Variants in REV3L observed in about 807,000 individuals in gnomAD.
REV3L encodes the protein REV3 like, DNA directed polymerase zeta catalytic subunit.
Under a neutral mutation model 299.4 loss-of-function variants are expected in REV3L, and 69 were observed. That is an observed-to-expected ratio of 0.23 (90% CI 0.19 to 0.28). The LOEUF (loss-of-function observed/expected upper bound fraction) is 0.28. Ranked by LOEUF, REV3L falls within the 10% of genes least tolerant of loss-of-function variation. The pLI is 1.00. For synonymous variants in REV3L, 1,238 were observed against 1,271.4 expected (o/e 0.97, Z 0.56); for missense variants, 3,128 against 3,693.8 (o/e 0.85, Z 3.97).
intron 1 of REV3L, 97 bp downstream of exon 1, chr6:111,482,653 G>T: frequency 1.4e-6 from 1 of 734,520 alleles, no homozygotes; most frequent in Non-Finnish European, 1.7e-6. Context: ...CACGGAGACG[G>T]CCGGCGCCGG....
intron 9 of REV3L, among the ~76,000 whole-genome samples, chr6:111,387,550 T>C (rs1781466507): frequency 6.6e-6 from 1 of 152,036 alleles, no homozygotes; most frequent in South Asian, 2.1e-4. Context: ...TATAAGAAAA[T>C]ATAAAATTAT....
chr6:111,313,401 G>A lies in REV3L; in HGVS notation c.8555C>T (p.Ala2852Val), dbSNP rs760489627. 1.9e-6 allele frequency: 3 copies of A among 1,612,942 alleles called. No homozygotes were observed. Among genetic ancestry groups the A allele is most frequent in the Non-Finnish European group, 1.7e-6 (2 of 1,179,662 alleles). The change falls in exon 28 of 32, where the codon GCA (alanine) becomes GTA (valine). Residue 2852 changes from alanine to valine, a missense_variant. Transcript: ENST00000368802. ...TLDQKDPVFD[A>V]KGIETVRRDS... ...TCTTCTGACTGTTTCTATTCCTTTT[G>A]CATCAAATACTGGGTCCTTCTGATC...
rs140122000 is a variant in REV3L, at chr6:111,309,930, G to C, written c.8965C>G (p.Gln2989Glu). Residue 2989 changes from glutamine to glutamate, a missense_variant, in exon 30 of 32, where the codon CAA becomes GAA. Coordinates refer to ENST00000368802, the MANE Select transcript of REV3L (RefSeq NM_001372078.1). ...ATTCTTGCCAAGGGTGGAAGGATTT[G>C]CTTGGTAATATAGTAAGTAGCATTC... Reference protein sequence around the residue: ...RLNATYYITKQILPPLARIFS... With the variant: ...RLNATYYITKEILPPLARIFS... 7 of 1,614,082 alleles carry C rather than the reference G, an allele frequency of 4.3e-6. No individual in the cohort carries two copies. Among genetic ancestry groups the C allele is most frequent in the Non-Finnish European group, 5.9e-6 (7 of 1,179,988 alleles).
intron 25 of REV3L, 70 bp downstream of exon 25, chr6:111,329,462 C>G: frequency 7.1e-7 from 1 of 1,414,166 alleles, no homozygotes; most frequent in Admixed American, 1.7e-5. Flanking sequence ...ACTGGGAATA[C>G]AGGTGAGTGC....
chr6:111,389,617 A>C (rs566446422), intron 6 of REV3L, among the ~76,000 whole-genome samples: 1 of 151,960 alleles, frequency 6.6e-6, no homozygotes, highest in Non-Finnish European at 1.5e-5. Context: ...TTAATACCTC[A>C]TCAGAAGTAT....
intron 31 of REV3L, among the ~76,000 whole-genome samples, chr6:111,306,604 T>G (rs1772330850): frequency 1.3e-5 from 2 of 152,226 alleles, no homozygotes; most frequent in South Asian, 4.1e-4. Flanking sequence ...GCTCGGCCAC[T>G]TAGCAGTGTA....
intron 13 of REV3L, among the ~76,000 whole-genome samples, chr6:111,369,293 A>C (rs527940126): frequency 6.6e-6 from 1 of 151,588 alleles, no homozygotes; most frequent in Non-Finnish European, 1.5e-5. Flanking sequence ...AAAAAAAAAA[A>C]AAAAAAAAAA....
intron 26 of REV3L, among the ~76,000 whole-genome samples, chr6:111,318,854 G>A (rs537357359): frequency 1.8e-4 from 28 of 152,180 alleles, no homozygotes; most frequent in Middle Eastern, 3.4e-3. Flanking sequence ...ACCGCGCCCG[G>A]CCGTATGCAA....
intron 4 of REV3L, among the ~76,000 whole-genome samples, chr6:111,401,334 C>T (rs2128269081): frequency 6.6e-6 from 1 of 152,290 alleles, no homozygotes; most frequent in East Asian, 1.9e-4. Context: ...TTCCCTCTTC[C>T]TTCCTTTCCT....
intron 1 of REV3L, among the ~76,000 whole-genome samples, chr6:111,444,624 C>T (rs1562321714): frequency 1.3e-5 from 2 of 152,140 alleles, no homozygotes; most frequent in Non-Finnish European, 2.9e-5. Context: ...GATAATATAT[C>T]AAATGATAAT....
intron 2 of REV3L, among the ~76,000 whole-genome samples, chr6:111,412,923 G>A (rs999647939): frequency 9.2e-5 from 14 of 152,098 alleles, no homozygotes; most frequent in South Asian, 2.1e-4. Flanking sequence ...GGAAAGCTCC[G>A]CTCTGGACTT....
chr6:111,478,448 G>GA (rs79458114), intron 1 of REV3L, among the ~76,000 whole-genome samples: 4,212 of 152,164 alleles, frequency 0.028, 81 homozygotes, highest in Admixed American at 0.066. Context: ...TAGCGTTCCT[G>GA]AAAATCTCTC....
intron 1 of REV3L, among the ~76,000 whole-genome samples, chr6:111,467,465 G>A (rs182882050): frequency 6.6e-6 from 1 of 152,326 alleles, no homozygotes; most frequent in East Asian, 1.9e-4. Flanking sequence ...TACCCATGTG[G>A]TTGATTAGGT....
chr6:111,407,313 C>T (rs749356110), intron 3 of REV3L, among the ~76,000 whole-genome samples: 2 of 151,858 alleles, frequency 1.3e-5, no homozygotes, highest in Admixed American at 1.3e-4. Context: ...CCAAACAAAC[C>T]CATGGGAGTA....
chr6:111,441,899 T>C (rs1163461108), intron 1 of REV3L, among the ~76,000 whole-genome samples: 2 of 152,188 alleles, frequency 1.3e-5, no homozygotes, highest in Non-Finnish European at 2.9e-5. Flanking sequence ...GGGGAGAAGA[T>C]AAAGTGTTCT....
chr6:111,303,910 TG>T (rs1266022785), intron 31 of REV3L, among the ~76,000 whole-genome samples: 1 of 151,674 alleles, frequency 6.6e-6, no homozygotes, highest in Non-Finnish European at 1.5e-5. Context: ...TTAGTAGAGC[TG>T]GGGTTTCTCC....
intron 21 of REV3L, 31 bp from the exon 22 acceptor site, chr6:111,335,641 C>T: frequency 1.3e-6 from 2 of 1,581,218 alleles, no homozygotes; most frequent in Non-Finnish European, 1.7e-6. Context: ...TTATGAACAT[C>T]AGGGAAAAAT....
rs186081655 is a variant in REV3L at position 111,324,922 on chromosome 6, C to T, written c.8242-2244G>A. Among the ~76,000 whole-genome samples the T allele has an allele frequency of 5.1e-3, 777 of 151,136 alleles. 8 individuals are homozygous for T. The highest frequency in any genetic ancestry group is 0.018 in the African/African-American group (733 of 41,136). On this transcript the variant is annotated intron_variant, in intron 25 of 31. Transcript: ENST00000368802. Reference sequence around the variant, plus strand: ...TGTCGCCCAGGCTGGAGTACAGTGGCGCAATCTCGGCTCACTGCAACCTCT... The same window carrying T: ...TGTCGCCCAGGCTGGAGTACAGTGGTGCAATCTCGGCTCACTGCAACCTCT...
At position 111,374,576 on chromosome 6, in the gene REV3L, A is replaced by G. The variant is rs893816656; in HGVS notation, c.3779T>C (p.Leu1260Pro). 14 of 1,614,024 alleles carry G rather than the reference A, an allele frequency of 8.7e-6. No homozygotes were observed. Among genetic ancestry groups the G allele is most frequent in the Non-Finnish European group, 1.2e-5 (14 of 1,179,952 alleles). Residue 1260 changes from leucine (L) to proline (P), a missense_variant, in exon 13 of 32, where the codon CTA becomes CCA. Coordinates refer to ENST00000368802, the MANE Select transcript of REV3L (RefSeq NM_001372078.1). The stretch of plus-strand genomic sequence containing the variant: ...TGGCATATCTTTCTGTTTAAAAAGT[A>G]GTTGAGAGCCTCCAGAACTACTTGC... The part of the protein sequence containing the change: ...EFASSSGGSQ[L>P]LFKQKDMPLM...
Sources: allele counts gnomAD v4.1 joint callset (sites outside exome capture counted in the v4.1 genomes callset), GRCh38; gene constraint gnomAD v4.1.1; transcripts MANE v1.5; gene names NCBI Gene and HGNC (gene_info 2026-07-23, HGNC 2026-07-21).